Variants in TMBIM4 observed in about 807,000 individuals in gnomAD.
TMBIM4 encodes transmembrane BAX inhibitor motif containing 4.
TMBIM4 carries 28 observed loss-of-function variants against 27.7 expected under a neutral mutation model. The ratio of observed to expected loss-of-function variants is 1.01; its 90% CI spans 0.75 to 1.38. The LOEUF is 1.38. Among genes scored for constraint, TMBIM4 ranks in the 40% most tolerant of loss-of-function variants. TMBIM4 has a pLI of 0.00. For synonymous variants in TMBIM4, 115 were observed against 113.1 expected (o/e 1.02, Z -0.11); for missense variants, 265 against 277.5 (o/e 0.95, Z 0.32).
chr12:66,163,014 TTTTA>T (rs1292278481), intron 1 of TMBIM4, among the ~76,000 whole-genome samples: 2 of 152,188 alleles, frequency 1.3e-5, no homozygotes, highest in African/African-American at 4.8e-5. Flanking sequence ...CAAAAAATAT[TTTTA>T]TTTATTAAAT....
In TMBIM4 at chr12:66,136,924, A is replaced by C. The variant is rs1233478114; in HGVS notation, c.*1036T>G. ...ATGCTGTGTGGACCAACACAAATGA[A>C]ACCATAAGACAATACTTCCCAAATA... On this transcript the variant is annotated 3_prime_UTR_variant, in exon 7 of 7. Coordinates refer to ENST00000358230, the MANE Select transcript of TMBIM4 (RefSeq NM_016056.4). The C allele has an allele frequency of 6.6e-6, 1 of 152,196 alleles. No homozygotes were observed. Among genetic ancestry groups the C allele is most frequent in the African/African-American group, 2.4e-5 (1 of 41,448 alleles). 9.4% of individuals were successfully genotyped at this position (152,196 alleles called of 1,614,324 possible).
At chr12:66,143,414 A>G (rs908178476) in intron 5 of TMBIM4, among the ~76,000 whole-genome samples, 1 of 152,190 alleles carries the variant, frequency 6.6e-6, no homozygotes, top group Non-Finnish European at 1.5e-5. Flanking sequence ...TCTAGGAAAG[A>G]AAATGAGCCC....
At chr12:66,168,179 C>T (rs997151679) in intron 1 of TMBIM4, among the ~76,000 whole-genome samples, 6 of 151,454 alleles carry the variant, frequency 4.0e-5, no homozygotes, top group Non-Finnish European at 1.5e-5. Context: ...AGTGATCTCA[C>T]CACTGCACTC....
At position 66,143,250 on chromosome 12, in the gene TMBIM4, A is replaced by G. The variant is rs529381151; in HGVS notation, c.464+2591T>C. Among the ~76,000 whole-genome samples, 52 of 152,320 alleles carry G rather than the reference A, an allele frequency of 3.4e-4. 1 individual carries two copies. The highest frequency in any genetic ancestry group is 1.2e-3 in the African/African-American group (51 of 41,582). ...AGCATCAAAGAGAGCAAATTTTCTGAGAATATAGATAAGATATACCATGGA... is the reference window on the plus strand; with the variant it reads ...AGCATCAAAGAGAGCAAATTTTCTGGGAATATAGATAAGATATACCATGGA... On this transcript the variant is annotated intron_variant, in intron 5 of 6. Transcript: ENST00000358230.
At chr12:66,145,744 G>C in intron 5 of TMBIM4, 97 bp downstream of exon 5, 2 of 688,152 alleles carry the variant, frequency 2.9e-6, no homozygotes, top group African/African-American at 1.8e-5. Flanking sequence ...CATTTTAAAA[G>C]ACAGTACCCA....
At position 66,167,701 on chromosome 12, in the gene TMBIM4, G is replaced by C. The variant is rs145701312; in HGVS notation, c.97+2154C>G. Among the ~76,000 whole-genome samples the C allele has an allele frequency of 2.0e-5, 3 of 152,254 alleles. No homozygotes were observed. In the East Asian group the frequency reaches 5.8e-4, roughly 29 times the overall value. Reference sequence around the variant, plus strand: ...AGCCCCTATCAAAAACAGTATGGCCGTTCCTTAAATAATTAAAAATAGAAC... The same window carrying C: ...AGCCCCTATCAAAAACAGTATGGCCCTTCCTTAAATAATTAAAAATAGAAC... On this transcript the variant is annotated intron_variant, in intron 1 of 6. Coordinates refer to ENST00000358230, the MANE Select transcript of TMBIM4 (RefSeq NM_016056.4).
intron 1 of TMBIM4, among the ~76,000 whole-genome samples, chr12:66,160,759 C>T (rs569720004): frequency 2.0e-5 from 3 of 152,236 alleles, no homozygotes; most frequent in Non-Finnish European, 4.4e-5. Flanking sequence ...GGTTGCACAG[C>T]GGCCGAGCAG....
chr12:66,166,418 C>G (rs1347727959), intron 1 of TMBIM4, among the ~76,000 whole-genome samples: 1 of 142,138 alleles, frequency 7.0e-6, no homozygotes, highest in African/African-American at 2.7e-5. Context: ...TGAGTTGTGA[C>G]TGTACCACTG....
intron 5 of TMBIM4, among the ~76,000 whole-genome samples, chr12:66,139,281 TATA>T (rs1479653641): frequency 6.6e-6 from 1 of 152,196 alleles, no homozygotes; most frequent in Non-Finnish European, 1.5e-5. Flanking sequence ...ATTCAATTGT[TATA>T]TATAGAGAGT....
chr12:66,166,353 T>C (rs569474390), intron 1 of TMBIM4, among the ~76,000 whole-genome samples: 94 of 151,062 alleles, frequency 6.2e-4, no homozygotes, highest in Admixed American at 9.3e-4. Flanking sequence ...TAGTTCCAGC[T>C]ACTCAGGAGG....
At chr12:66,146,552 G>A (rs2051755289) in intron 4 of TMBIM4, among the ~76,000 whole-genome samples, 1 of 152,038 alleles carries the variant, frequency 6.6e-6, no homozygotes, top group African/African-American at 2.4e-5. Context: ...GTATTATCTT[G>A]GAGTACATTA....
At chr12:66,169,737 G>A (rs1225334563) in intron 1 of TMBIM4, 118 bp downstream of exon 1, 8 of 750,684 alleles carry the variant, frequency 1.1e-5, no homozygotes, top group Admixed American at 4.0e-5. Context: ...GGAGCTCAGT[G>A]AGCACTCCCT....
chr12:66,153,930 CT>C (rs1420051557), intron 1 of TMBIM4, among the ~76,000 whole-genome samples: 1 of 152,088 alleles, frequency 6.6e-6, no homozygotes. Context: ...TATAAACTTA[CT>C]TTCACTCATC....
At chr12:66,169,700 CCT>C (rs1239751903) in intron 1 of TMBIM4, among the ~76,000 whole-genome samples, 153 bp downstream of exon 1, 3 of 152,136 alleles carry the variant, frequency 2.0e-5, no homozygotes, top group African/African-American at 7.2e-5. Context: ...GGGCGCCAGT[CCT>C]CTGGTACCCG....
intron 1 of TMBIM4, among the ~76,000 whole-genome samples, chr12:66,158,669 A>ATAGGGCTTT (rs2051987495): frequency 6.6e-6 from 1 of 151,964 alleles, no homozygotes; most frequent in African/African-American, 2.4e-5. Flanking sequence ...AATTCAAACA[A>ATAGGGCTTT]TAGGGCTTTT....
At chr12:66,138,667 A>G in intron 6 of TMBIM4, 57 bp downstream of exon 6, 1 of 1,336,676 alleles carries the variant, frequency 7.5e-7, no homozygotes, top group Non-Finnish European at 1.0e-6. Flanking sequence ...TTTTGAGGTT[A>G]TTTATATTGA....
Position 66,147,932 on chromosome 12 carries a change from C to T in TMBIM4, c.322G>A (p.Glu108Lys), listed in dbSNP as rs1013140768. 10 of 1,611,386 alleles carry T rather than the reference C, an allele frequency of 6.2e-6. No individual in the cohort carries two copies. The highest frequency in any genetic ancestry group is 3.3e-5 in the Admixed American group (2 of 59,724). Residue 108 changes from glutamate (E) to lysine (K), a missense_variant, in exon 4 of 7, where the codon GAA (glutamate) becomes AAA (lysine). By Grantham distance (56) the Glu-to-Lys change is moderately conservative (BLOSUM62 1). Transcript: ENST00000358230. Reference sequence around the variant, plus strand: ...CCAACAACTGCCACAGTCAGAGCTTCCAACAGCGTCTAATGAAAAGAAACT... The same window carrying T: ...CCAACAACTGCCACAGTCAGAGCTTTCAACAGCGTCTAATGAAAAGAAACT... ...LYLLFGFTLLEALTVAVVVTF... is the reference protein window; with the variant it reads ...LYLLFGFTLLKALTVAVVVTF...
At chr12:66,141,855 T>G (rs2051674382) in intron 5 of TMBIM4, among the ~76,000 whole-genome samples, 1 of 152,158 alleles carries the variant, frequency 6.6e-6, no homozygotes, top group Admixed American at 6.5e-5. Flanking sequence ...AGAATTTACA[T>G]AAGAAATAGA....
At chr12:66,165,152 T>G (rs749502522) in intron 1 of TMBIM4, among the ~76,000 whole-genome samples, 1 of 152,162 alleles carries the variant, frequency 6.6e-6, no homozygotes, top group Non-Finnish European at 1.5e-5. Context: ...TTTGGGTAGA[T>G]TTAATGCAAT....
Sources: allele counts gnomAD v4.1 joint callset (sites outside exome capture counted in the v4.1 genomes callset), GRCh38; gene constraint gnomAD v4.1.1; transcripts MANE v1.5; gene names NCBI Gene and HGNC (gene_info 2026-07-23, HGNC 2026-07-21).